The following UEVLD variants were observed in gnomAD, a reference collection of about 807,000 sequenced individuals.
UEVLD encodes UEV and lactate/malate dehyrogenase domains, also known as ubiquitin-conjugating enzyme E2 variant 3.
A neutral mutation model predicts 58.6 loss-of-function variants in UEVLD; 47 were observed. The ratio of observed to expected loss-of-function variants is 0.80; its 90% CI spans 0.63 to 1.02. The LOEUF (loss-of-function observed/expected upper bound fraction) is 1.02. Ranked by LOEUF, UEVLD falls within the 50% of genes least tolerant of loss-of-function variation. The pLI is 0.00. For synonymous variants in UEVLD, 197 were observed against 195.3 expected, an observed-to-expected ratio of 1.01 and a Z score of -0.07; for missense variants, 510 against 550.6, an observed-to-expected ratio of 0.93 and a Z score of 0.74.
intron 6 of UEVLD, among the ~76,000 whole-genome samples, chr11:18,558,736 T>C (rs991374700): frequency 1.3e-5 from 2 of 150,402 alleles, no homozygotes; most frequent in East Asian, 2.0e-4. Flanking sequence ...TGAGCCAAGA[T>C]TGTGTCACTG....
intron 1 of UEVLD, among the ~76,000 whole-genome samples, chr11:18,581,496 C>T (rs1590376601): frequency 6.6e-6 from 1 of 151,970 alleles, no homozygotes; most frequent in East Asian, 1.9e-4. Flanking sequence ...ACAGACAGGC[C>T]AACATGGTGA....
intron 3 of UEVLD, among the ~76,000 whole-genome samples, chr11:18,573,197 C>T (rs1346822350): frequency 6.6e-6 from 1 of 152,222 alleles, no homozygotes; most frequent in Non-Finnish European, 1.5e-5. Context: ...GATAACCTTT[C>T]TGCCCTCATG....
intron 1 of UEVLD, among the ~76,000 whole-genome samples, chr11:18,580,127 G>A (rs1442553161): frequency 6.8e-6 from 1 of 147,870 alleles, no homozygotes; most frequent in Non-Finnish European, 1.5e-5. Flanking sequence ...AAACGATCAG[G>A]AAAAAGAACA....
At chr11:18,551,422 CA>C (rs34545423) in intron 7 of UEVLD, among the ~76,000 whole-genome samples, 1,174 of 67,356 alleles carry the variant, frequency 0.017, 8 homozygotes, top group African/African-American at 0.06. Context: ...GACTCCATCA[CA>C]AAAAAAAAAA....
intron 6 of UEVLD, among the ~76,000 whole-genome samples, chr11:18,562,520 A>T (rs890260251): frequency 2.0e-5 from 3 of 151,002 alleles, no homozygotes; most frequent in African/African-American, 7.3e-5. Context: ...CCAGCCTGGG[A>T]GACACAGCGA....
intron 7 of UEVLD, among the ~76,000 whole-genome samples, chr11:18,557,123 A>C (rs917290652): frequency 5.3e-5 from 8 of 151,214 alleles, no homozygotes; most frequent in Admixed American, 2.6e-4. Flanking sequence ...AGAGATAGAA[A>C]ATTTAACATT....
In UEVLD at chr11:18,579,371, C is replaced by G. The variant is rs1005389751; in HGVS notation, c.43-563G>C. The G allele has an allele frequency of 3.5e-6, 3 of 847,008 alleles. No homozygotes were observed. The African/African-American group carries it at 5.5e-5, about 16-fold the overall frequency. 52.5% of individuals were successfully genotyped at this position (847,008 alleles called of 1,614,324 possible). A position where few individuals can be genotyped will look rare whatever the true frequency, so the allele number is the denominator to read the frequency against. On this transcript the variant is annotated intron_variant, in intron 1 of 11. Coordinates refer to ENST00000396197, the MANE Select transcript of UEVLD (RefSeq NM_001040697.4). ...ATATAGCAAGTTAAATAGTGAAGCC[C>G]GAGCTCAAATCCAGGACCAGAGTCT...
chr11:18,539,506 T>A (rs1850967645), intron 9 of UEVLD, among the ~76,000 whole-genome samples: 1 of 152,262 alleles, frequency 6.6e-6, no homozygotes, highest in African/African-American at 2.4e-5. Flanking sequence ...AAAAATTTGT[T>A]ACATTGGGCG....
intron 10 of UEVLD, among the ~76,000 whole-genome samples, chr11:18,534,889 A>C (rs1453835451): frequency 4.6e-5 from 7 of 152,204 alleles, no homozygotes; most frequent in Admixed American, 1.3e-4. Flanking sequence ...TCTTCTAGGC[A>C]TTTATCTTAC....
At chr11:18,572,579 C>A (rs1427028060) in intron 3 of UEVLD, among the ~76,000 whole-genome samples, 1 of 152,058 alleles carries the variant, frequency 6.6e-6, no homozygotes, top group South Asian at 2.1e-4. Flanking sequence ...CAGAGGCGGG[C>A]GGATCACCAG....
intron 1 of UEVLD, 129 bp from the exon 2 acceptor site, chr11:18,578,937 A>C: frequency 2.9e-5 from 17 of 580,540 alleles, no homozygotes; most frequent in East Asian, 6.6e-5. Flanking sequence ...GCGGGATCTC[A>C]GCTCACTGCA....
Position 18,573,720 on chromosome 11 carries a change from G to C in UEVLD, c.193+1627C>G, listed in dbSNP as rs903696058. 9.9e-5 allele frequency among the ~76,000 whole-genome samples: 15 copies of C among 152,112 alleles called. 1 individual carries two copies. Among genetic ancestry groups the C allele is most frequent in the South Asian group, 2.1e-4 (1 of 4,820 alleles). On this transcript the variant is annotated intron_variant, in intron 3 of 11. Coordinates refer to ENST00000396197, the MANE Select transcript of UEVLD (RefSeq NM_001040697.4). ...TCATGGTGGGACATACACAGAAGCA[G>C]AACAAAACATGAGTGCATCTCTAGC...
intron 8 of UEVLD, among the ~76,000 whole-genome samples, chr11:18,546,647 C>T (rs939956288): frequency 6.6e-6 from 1 of 151,970 alleles, no homozygotes. Context: ...TACAGGCACC[C>T]GCCACCATGC....
chr11:18,537,020 C>G (rs1312785996), intron 9 of UEVLD, among the ~76,000 whole-genome samples: 2 of 151,012 alleles, frequency 1.3e-5, no homozygotes, highest in Non-Finnish European at 3.0e-5. Flanking sequence ...CTCAGCCTCC[C>G]GAGTAGCTGG....
chr11:18,563,836 C>CAT (rs1852156488), intron 6 of UEVLD: 1 of 267,812 alleles, frequency 3.7e-6, no homozygotes, highest in Non-Finnish European at 6.1e-6. Flanking sequence ...AAAACCCTGT[C>CAT]TCTGCTAAAA....
intron 7 of UEVLD, among the ~76,000 whole-genome samples, chr11:18,556,755 A>G (rs1851771438): frequency 6.6e-6 from 1 of 152,098 alleles, no homozygotes; most frequent in Non-Finnish European, 1.5e-5. Context: ...GTCTATACTA[A>G]TATGTTACGT....
chr11:18,546,202 T>G (rs920945393), intron 8 of UEVLD, among the ~76,000 whole-genome samples: 13 of 152,204 alleles, frequency 8.5e-5, no homozygotes, highest in Admixed American at 3.3e-4. Flanking sequence ...AAAAATGCAC[T>G]CTGGCATGCT....
chr11:18,586,591 G>T (rs1853573043), intron 1 of UEVLD, among the ~76,000 whole-genome samples: 1 of 152,086 alleles, frequency 6.6e-6, no homozygotes, highest in Admixed American at 6.6e-5. Flanking sequence ...CACAATCATA[G>T]CTCTCTGCAT....
intron 6 of UEVLD, among the ~76,000 whole-genome samples, chr11:18,562,218 C>T (rs1852069320): frequency 6.6e-6 from 1 of 152,062 alleles, no homozygotes; most frequent in South Asian, 2.1e-4. Context: ...GCTGGGACTA[C>T]CAGTGTGCAC....
Sources: gnomAD v4.1 joint callset for allele counts (sites outside exome capture counted in the v4.1 genomes callset) on GRCh38, gnomAD v4.1.1 for gene constraint, MANE v1.5 for transcripts, NCBI Gene and HGNC (gene_info 2026-07-23, HGNC 2026-07-21) for gene names.